Variants in GAL3ST2 observed in about 807,000 individuals in gnomAD.
GAL3ST2 encodes the protein beta-galactose-3-O-sulfotransferase 2.
GAL3ST2 carries 16 observed loss-of-function variants against 12.9 expected under a neutral mutation model. The observed-to-expected ratio is 1.24, with a 90% confidence interval of 0.84 to 1.88. GAL3ST2 has a LOEUF of 1.88. GAL3ST2 is among the 40% of genes most tolerant of loss of function. The pLI is 0.00. For missense variants in GAL3ST2, 639 were observed against 571.8 expected (o/e 1.12, Z -1.20); for synonymous variants, 302 against 273.9 (o/e 1.10, Z -1.01).
chr2:241,786,139 T>TGTGTG (rs1553615798), intron 1 of GAL3ST2, among the ~76,000 whole-genome samples: 5 of 145,860 alleles, frequency 3.4e-5, no homozygotes, highest in African/African-American at 1.0e-4. Flanking sequence ...CACACACCTT[T>TGTGTG]TGTGTGTGTG....
At position 241,801,723 on chromosome 2, in the gene GAL3ST2, G is replaced by A. The variant is rs1455379284; in HGVS notation, c.120-58G>A. 1.9e-6 allele frequency: 3 copies of A among 1,571,976 alleles called. No individual in the cohort carries two copies. ...GGTTGCCGGGCTGGGGGTCGCTGTT[G>A]GGCGGGGGTTGGGGCATCTGCACCC... On this transcript the variant is annotated intron_variant, in intron 2 of 3. Transcript: ENST00000192314. This position sits in a 1 kb window ranked among gnomAD's most constrained non-coding sequence, Gnocchi z 4.4.
At chr2:241,778,150 GC>G (rs1003777866) in intron 1 of GAL3ST2, among the ~76,000 whole-genome samples, 1 of 152,246 alleles carries the variant, frequency 6.6e-6, no homozygotes, top group African/African-American at 2.4e-5. Context: ...CTTCCCCACA[GC>G]CCTGGACAGC....
In GAL3ST2 at chr2:241,793,658, ATGTG is replaced by A. The variant is rs141334034; in HGVS notation, c.30-5401_30-5398del. Among the ~76,000 whole-genome samples the A allele has an allele frequency of 8.8e-5, 13 of 147,890 alleles. No individual in the cohort carries two copies. Among genetic ancestry groups the A allele is most frequent in the East Asian group, 5.9e-4 (3 of 5,054 alleles). ...TTGTGTGTACATATTGTGTATGCAT[ATGTG>A]TGTGTATGCACATATTGTGTATGTG... On this transcript the variant is annotated intron_variant, in intron 1 of 3. Coordinates refer to ENST00000192314, the MANE Select transcript of GAL3ST2 (RefSeq NM_022134.3). This position sits in a 1 kb window ranked among gnomAD's most constrained non-coding sequence, Gnocchi z 4.7.
chr2:241,791,280 T>G (rs1251276838), intron 1 of GAL3ST2, among the ~76,000 whole-genome samples: 1 of 152,232 alleles, frequency 6.6e-6, no homozygotes, highest in Admixed American at 6.5e-5. Context: ...TTGTGAGTAT[T>G]TTTAATTTAT....
At chr2:241,787,171 T>G (rs905698658) in intron 1 of GAL3ST2, among the ~76,000 whole-genome samples, 2 of 152,220 alleles carry the variant, frequency 1.3e-5, no homozygotes, top group African/African-American at 2.4e-5. Flanking sequence ...CTTGCATATG[T>G]TGATTGATGT....
At chr2:241,786,567 T>A (rs1006806612) in intron 1 of GAL3ST2, among the ~76,000 whole-genome samples, 5 of 152,170 alleles carry the variant, frequency 3.3e-5, no homozygotes, top group African/African-American at 1.2e-4. Context: ...TCCATCGTCA[T>A]GGAAGCAGGA....
chr2:241,785,605 G>T (rs1196782079), intron 1 of GAL3ST2, among the ~76,000 whole-genome samples: 1 of 151,512 alleles, frequency 6.6e-6, no homozygotes, highest in Admixed American at 6.6e-5. Flanking sequence ...CACATTTGGG[G>T]TTCCATGGGA....
rs1422217087 is a variant in GAL3ST2, at chr2:241,800,351, C to T, written c.119+1197C>T. Among the ~76,000 whole-genome samples, 16 of 130,038 alleles carry T rather than the reference C, an allele frequency of 1.2e-4. No individual in the cohort carries two copies. Among genetic ancestry groups the T allele is most frequent in the Admixed American group, 8.6e-4 (10 of 11,602 alleles). 85.3% of individuals were successfully genotyped at this position (130,038 alleles called of 152,430 possible). On this transcript the variant is annotated intron_variant, in intron 2 of 3. Transcript: ENST00000192314. This position sits in a 1 kb window ranked among gnomAD's most constrained non-coding sequence, Gnocchi z 5.2. ...CACAGCCGCCGACCCAGGCTGGGAG[C>T]GGGCACTTCGAGGGAGGGGGTGGGA...
At chr2:241,798,882 G>C (rs1699808018) in intron 1 of GAL3ST2, among the ~76,000 whole-genome samples, 183 bp from the exon 2 acceptor site, 1 of 152,158 alleles carries the variant, frequency 6.6e-6, no homozygotes, top group Non-Finnish European at 1.5e-5. Flanking sequence ...ATTCAGGCCT[G>C]TCCTGGGTTG....
At chr2:241,785,094 G>A (rs1699612769) in intron 1 of GAL3ST2, among the ~76,000 whole-genome samples, 1 of 151,938 alleles carries the variant, frequency 6.6e-6, no homozygotes, top group Admixed American at 6.6e-5. Flanking sequence ...ATTATTATGA[G>A]GCTGGATCAT....
At position 241,800,739 on chromosome 2, in the gene GAL3ST2, C is replaced by T. The variant is rs912121418; in HGVS notation, c.120-1042C>T. ...GGGTCAGCGAGGCAGCGTCTGGCAG[C>T]GGGTGAGCTGCACCTGCTTTAACGT... is the stretch of plus-strand genomic sequence containing the variant. On this transcript the variant is annotated intron_variant, in intron 2 of 3. Coordinates refer to ENST00000192314, the MANE Select transcript of GAL3ST2 (RefSeq NM_022134.3). The surrounding 1 kb of genome is among the most constrained non-coding windows in gnomAD (Gnocchi z 5.2). 6.6e-6 allele frequency among the ~76,000 whole-genome samples: 1 copy of T among 152,164 alleles called. No individual in the cohort carries two copies. The highest frequency in any genetic ancestry group is 6.5e-5 in the Admixed American group (1 of 15,282).
intron 1 of GAL3ST2, among the ~76,000 whole-genome samples, chr2:241,782,804 G>C (rs1228792053): frequency 6.6e-6 from 1 of 152,144 alleles, no homozygotes; most frequent in Non-Finnish European, 1.5e-5. Context: ...TACTTTAAAA[G>C]TGCATACAGA....
chr2:241,780,672 G>A (rs1367248626), intron 1 of GAL3ST2, among the ~76,000 whole-genome samples: 2 of 152,142 alleles, frequency 1.3e-5, no homozygotes, highest in Non-Finnish European at 2.9e-5. Flanking sequence ...TTTTTACATA[G>A]GCTTTTAAAT....
rs898404537 is a variant in GAL3ST2 at position 241,801,405 on chromosome 2, A to AG, written c.120-371dup. ...CTGCTGGGTCTAAACCGCAAAGGGG[A>AG]GGGGGTGTGACGAGGCGTCTACCTC... is the stretch of plus-strand genomic sequence containing the variant. On this transcript the variant is annotated intron_variant, in intron 2 of 3. Transcript: ENST00000192314. This position sits in a 1 kb window ranked among gnomAD's most constrained non-coding sequence, Gnocchi z 4.4. 2.0e-5 allele frequency: 6 copies of AG among 295,736 alleles called. No homozygotes were observed. The highest frequency in any genetic ancestry group is 3.8e-5 in the Non-Finnish European group (6 of 156,690). 18.3% of individuals were successfully genotyped at this position (295,736 alleles called of 1,614,324 possible). A position where few individuals can be genotyped will look rare whatever the true frequency, so the allele number is the denominator to read the frequency against.
chr2:241,779,913 G>C (rs965065722), intron 1 of GAL3ST2, among the ~76,000 whole-genome samples: 1 of 151,806 alleles, frequency 6.6e-6, no homozygotes, highest in Non-Finnish European at 1.5e-5. Context: ...TTGAACCTGG[G>C]AAGCGGAGGT....
At chr2:241,777,469 C>T (rs1699502351) in intron 1 of GAL3ST2, among the ~76,000 whole-genome samples, 2 of 152,164 alleles carry the variant, frequency 1.3e-5, no homozygotes, top group Admixed American at 1.3e-4. Flanking sequence ...TGTCTCCCTT[C>T]TGTAAACAGA....
Position 241,787,540 on chromosome 2 carries a change from C to CTCCTTT in GAL3ST2, c.29+10557_29+10558insCCTTTT, listed in dbSNP as rs762011937. Reference sequence around the variant, plus strand: ...TTATTTTGCTGTACAACTTCTCCTCCTTTTTTTTTTTTTTTTTGGAGTTTT... The same window carrying CTCCTTT: ...TTATTTTGCTGTACAACTTCTCCTCCTCCTTTTTTTTTTTTTTTTTTTTGGAGTTTT... On this transcript the variant is annotated intron_variant, in intron 1 of 3. Transcript: ENST00000192314. Among the ~76,000 whole-genome samples, 1,118 of 136,186 alleles carry CTCCTTT rather than the reference C, an allele frequency of 8.2e-3. 29 individuals carry two copies. Among genetic ancestry groups the CTCCTTT allele is most frequent in the African/African-American group, 0.023 (835 of 36,042 alleles). The allele number at this position is 136,186 out of a possible 152,430, so 89.3% of individuals were successfully genotyped here.
intron 1 of GAL3ST2, among the ~76,000 whole-genome samples, chr2:241,781,912 T>A (rs1328719686): frequency 6.6e-6 from 1 of 152,248 alleles, no homozygotes; most frequent in East Asian, 1.9e-4. Context: ...TTAACCAAGG[T>A]GGTAACTCAA....
At chr2:241,791,577 G>A (rs763457142) in intron 1 of GAL3ST2, among the ~76,000 whole-genome samples, 28 of 152,290 alleles carry the variant, frequency 1.8e-4, no homozygotes, top group Non-Finnish European at 3.8e-4. Flanking sequence ...AACCTCAAGC[G>A]ATGAGGATGA....
Sources: allele counts gnomAD v4.1 joint callset (sites outside exome capture counted in the v4.1 genomes callset), GRCh38; gene constraint gnomAD v4.1.1; non-coding constraint Gnocchi (gnomAD v3.1); transcripts MANE v1.5; gene names NCBI Gene and HGNC (gene_info 2026-07-23, HGNC 2026-07-21).